The following SLC30A8 variants were observed in gnomAD, a reference collection of about 807,000 sequenced individuals.
SLC30A8 encodes the protein proton-coupled zinc antiporter SLC30A8.
In SLC30A8, 27 loss-of-function variants were observed where a neutral mutation model predicts 36.9. That is an observed-to-expected ratio of 0.73 (90% CI 0.54 to 1.01). The LOEUF (loss-of-function observed/expected upper bound fraction) is 1.01, where lower values mean the gene tolerates loss of function less well. Ranked by LOEUF, SLC30A8 falls within the 50% of genes least tolerant of loss-of-function variation. The pLI, the probability that SLC30A8 is intolerant of heterozygous loss-of-function variation, is 0.00. For synonymous variants in SLC30A8, 164 were observed against 172.4 expected (o/e 0.95, Z 0.38); for missense variants, 439 against 452.0 (o/e 0.97, Z 0.26).
At chr8:117,115,165 C>T (rs907089655) in intron 2 of SLC30A8, among the ~76,000 whole-genome samples, 1 of 151,942 alleles carries the variant, frequency 6.6e-6, no homozygotes, top group Non-Finnish European at 1.5e-5. Flanking sequence ...GTCTTGAACT[C>T]CTGGTCTCAA....
chr8:117,107,559 G>A (rs1173371537), intron 2 of SLC30A8, among the ~76,000 whole-genome samples: 2 of 152,148 alleles, frequency 1.3e-5, no homozygotes, highest in African/African-American at 4.8e-5. Flanking sequence ...GGAAGGAGAC[G>A]ATACTATCTC....
At chr8:117,108,915 T>C (rs1020129734) in intron 2 of SLC30A8, among the ~76,000 whole-genome samples, 7 of 152,212 alleles carry the variant, frequency 4.6e-5, no homozygotes, top group African/African-American at 1.7e-4. Context: ...CATTTCAGCT[T>C]TCAGCGTCAC....
At chr8:117,077,573 A>G (rs1199777127) in intron 2 of SLC30A8, among the ~76,000 whole-genome samples, 1 of 152,230 alleles carries the variant, frequency 6.6e-6, no homozygotes, top group African/African-American at 2.4e-5. Flanking sequence ...TAAGATGTAT[A>G]TCTCTCCTAT....
At chr8:117,116,159 A>G (rs754002276) in intron 2 of SLC30A8, among the ~76,000 whole-genome samples, 19 of 152,102 alleles carry the variant, frequency 1.2e-4, no homozygotes, top group Admixed American at 2.6e-4. Flanking sequence ...AGGTAGGATG[A>G]CCCAAGGCCT....
intron 1 of SLC30A8, among the ~76,000 whole-genome samples, chr8:117,026,568 T>G (rs925648565): frequency 6.6e-6 from 1 of 152,150 alleles, no homozygotes; most frequent in African/African-American, 2.4e-5. Flanking sequence ...TAGCCTCCTT[T>G]TATTTTGCAG....
In SLC30A8 at chr8:117,103,668, T is replaced by C. The variant is rs57496694; in HGVS notation, c.-225-31612T>C. Among the ~76,000 whole-genome samples, 345 of 152,186 alleles carry C rather than the reference T, an allele frequency of 2.3e-3. 1 individual carries two copies. Among genetic ancestry groups the C allele is most frequent in the African/African-American group, 8.0e-3 (333 of 41,548 alleles). On this transcript the variant is annotated intron_variant, in intron 2 of 10. Coordinates refer to the SLC30A8 transcript ENST00000427715. ...TTTTTGTATTTTTCGTAGGGACAGGTTTTGCCATGTTGGCCAGACTGGTCT... is the reference window on the plus strand; with the variant it reads ...TTTTTGTATTTTTCGTAGGGACAGGCTTTGCCATGTTGGCCAGACTGGTCT...
chr8:116,990,372 A>G (rs2130661588), intron 1 of SLC30A8, among the ~76,000 whole-genome samples: 1 of 152,270 alleles, frequency 6.6e-6, no homozygotes, highest in Middle Eastern at 3.4e-3. Context: ...GATCAAGGTT[A>G]TCCTCCCCAG....
chr8:117,089,400 G>T (rs947462029), intron 2 of SLC30A8, among the ~76,000 whole-genome samples: 1 of 152,034 alleles, frequency 6.6e-6, no homozygotes, highest in Non-Finnish European at 1.5e-5. Context: ...CTTTTTTATG[G>T]GGGCAATGGT....
At chr8:117,076,377 C>G (rs1818487560) in intron 2 of SLC30A8, among the ~76,000 whole-genome samples, 1 of 152,132 alleles carries the variant, frequency 6.6e-6, no homozygotes, top group African/African-American at 2.4e-5. Flanking sequence ...CAAAGGTAAT[C>G]AGATATGAAA....
intron 2 of SLC30A8, among the ~76,000 whole-genome samples, chr8:117,040,041 G>A (rs372030372): frequency 3.9e-5 from 6 of 152,072 alleles, no homozygotes; most frequent in East Asian, 3.9e-4. Flanking sequence ...CCCATCTCAC[G>A]TAGCCTGTGT....
At chr8:117,129,547 A>G (rs1821046659) in intron 2 of SLC30A8, among the ~76,000 whole-genome samples, 1 of 152,014 alleles carries the variant, frequency 6.6e-6, no homozygotes, top group Non-Finnish European at 1.5e-5. Context: ...GGAAATGCAA[A>G]TTATTCCAAA....
rs569427860 is a variant in SLC30A8, at chr8:116,988,355, CCTT to C, written c.-266+37243_-266+37245del. On this transcript the variant is annotated intron_variant, in intron 1 of 10. Transcript: ENST00000427715. ...ACCGTTAAGTACCGTGAAGCTCAGG[CCTT>C]CTTCTTTCCGTCTGCTGGCTAGCAA... Among the ~76,000 whole-genome samples, 350 of 152,308 alleles carry C rather than the reference CCTT, an allele frequency of 2.3e-3. 3 individuals are homozygous for C. The highest frequency in any genetic ancestry group is 0.017 in the Admixed American group (267 of 15,300).
rs1819436974 is a variant in SLC30A8 at position 117,097,426 on chromosome 8, TAA to T, written c.-225-37852_-225-37851del. On this transcript the variant is annotated intron_variant, in intron 2 of 10. Coordinates refer to the SLC30A8 transcript ENST00000427715. ...AAAAAAAAAAAAAAAAAAATATATA[TAA>T]ATATATATAATTATATATTATATAT... is the stretch of plus-strand genomic sequence containing the variant. Among the ~76,000 whole-genome samples the T allele has an allele frequency of 1.3e-4, 14 of 109,616 alleles. 1 individual carries two copies. The highest frequency in any genetic ancestry group is 5.3e-4 in the African/African-American group (14 of 26,328). The allele number at this position is 109,616 out of a possible 152,430, so 71.9% of individuals were successfully genotyped here.
At chr8:117,015,359 C>T (rs1200442459) in intron 1 of SLC30A8, among the ~76,000 whole-genome samples, 2 of 152,108 alleles carry the variant, frequency 1.3e-5, no homozygotes, top group African/African-American at 4.8e-5. Flanking sequence ...AACACATACA[C>T]CTGTGCTTTG....
chr8:117,131,478 G>A (rs2130924377), upstream of SLC30A8, among the ~76,000 whole-genome samples: 1 of 152,096 alleles, frequency 6.6e-6, no homozygotes, highest in East Asian at 1.9e-4. Flanking sequence ...CAGCTCCATA[G>A]TGAAGATCAT....
At chr8:117,047,256 T>C (rs996880683) in intron 2 of SLC30A8, among the ~76,000 whole-genome samples, 1 of 152,126 alleles carries the variant, frequency 6.6e-6, no homozygotes, top group Non-Finnish European at 1.5e-5. Flanking sequence ...ACCATGATAT[T>C]GTGAGGGTCG....
intron 2 of SLC30A8, among the ~76,000 whole-genome samples, chr8:117,102,462 C>G (rs984921261): frequency 1.3e-5 from 2 of 152,024 alleles, no homozygotes; most frequent in Admixed American, 1.3e-4. Flanking sequence ...CTCTCATCAC[C>G]CTGGTTACCT....
chr8:116,999,132 G>A (rs1195701009), intron 1 of SLC30A8, among the ~76,000 whole-genome samples: 3 of 152,122 alleles, frequency 2.0e-5, no homozygotes, highest in African/African-American at 7.2e-5. Context: ...GATGGCGCAT[G>A]TTTGTAATCC....
At chr8:117,144,044 C>T (rs1173047577) in intron 1 of SLC30A8, among the ~76,000 whole-genome samples, 2 of 152,086 alleles carry the variant, frequency 1.3e-5, no homozygotes, top group African/African-American at 2.4e-5. Flanking sequence ...CATATGACCA[C>T]AGCATACCAG....
Sources: allele counts gnomAD v4.1 joint callset (sites outside exome capture counted in the v4.1 genomes callset), GRCh38; gene constraint gnomAD v4.1.1; transcripts MANE v1.5; gene names NCBI Gene and HGNC (gene_info 2026-07-23, HGNC 2026-07-21).